Variants in IGF2BP2 observed in about 807,000 individuals in gnomAD.
The protein encoded by IGF2BP2 is insulin like growth factor 2 mRNA binding protein 2, also known as insulin-like growth factor 2 mRNA-binding protein 2.
A neutral mutation model predicts 75.8 loss-of-function variants in IGF2BP2; 17 were observed. The ratio of observed to expected loss-of-function variants is 0.22; its 90% confidence interval spans 0.15 to 0.34. The LOEUF (loss-of-function observed/expected upper bound fraction) is 0.34. Among genes scored for constraint, IGF2BP2 ranks in the 10% least tolerant of loss-of-function variants. The pLI is 1.00. For synonymous variants in IGF2BP2, 288 were observed against 295.6 expected (o/e 0.97, Z 0.26); for missense variants, 516 against 772.4 (o/e 0.67, Z 3.93).
At chr3:185,677,056 TATATATATATATAGAGAG>T (rs1170885825) in intron 7 of IGF2BP2, among the ~76,000 whole-genome samples, 15 of 55,356 alleles carry the variant, frequency 2.7e-4, no homozygotes, top group African/African-American at 1.2e-3. Flanking sequence ...TATATATATA[TATATATATATATAGAGAG>T]AGAGAGAGAG....
Position 185,786,029 on chromosome 3 carries a change from G to A in IGF2BP2, c.239+37124C>T, listed in dbSNP as rs528787696. ...CCTGTCTTCCAGAATTCAGTTTTAAGCAGTGTTTTTCAAACTTATCTTTCA... is the reference window on the plus strand; with the variant it reads ...CCTGTCTTCCAGAATTCAGTTTTAAACAGTGTTTTTCAAACTTATCTTTCA... On this transcript the variant is annotated intron_variant, in intron 2 of 15. Coordinates refer to ENST00000382199, the MANE Select transcript of IGF2BP2 (RefSeq NM_006548.6). Among the ~76,000 whole-genome samples, 3 of 152,242 alleles carry A rather than the reference G, an allele frequency of 2.0e-5. No homozygotes were observed. In the East Asian group the frequency reaches 5.8e-4, roughly 29 times the overall value.
At chr3:185,776,578 A>G (rs924179933) in intron 2 of IGF2BP2, among the ~76,000 whole-genome samples, 10 of 152,182 alleles carry the variant, frequency 6.6e-5, no homozygotes, top group Non-Finnish European at 1.3e-4. Context: ...GAGCTATCCA[A>G]TAGGAAGGAA....
chr3:185,768,419 T>G (rs7621192), intron 2 of IGF2BP2, among the ~76,000 whole-genome samples: 2,062 of 152,278 alleles, frequency 0.014, 57 homozygotes, highest in African/African-American at 0.047. Flanking sequence ...GATTTTTTTC[T>G]GTGGGATTCA....
At chr3:185,669,170 A>T (rs1718129276) in intron 10 of IGF2BP2, among the ~76,000 whole-genome samples, 1 of 152,234 alleles carries the variant, frequency 6.6e-6, no homozygotes, top group East Asian at 1.9e-4. Context: ...AATGAAAAGT[A>T]ATATACCTTT....
chr3:185,802,767 T>C (rs1351196483), intron 2 of IGF2BP2, among the ~76,000 whole-genome samples: 1 of 152,124 alleles, frequency 6.6e-6, no homozygotes. Flanking sequence ...CTAAAAACCC[T>C]TGAGAGAGAA....
chr3:185,787,913 C>G (rs1223416748), intron 2 of IGF2BP2, among the ~76,000 whole-genome samples: 1 of 152,132 alleles, frequency 6.6e-6, no homozygotes, highest in Admixed American at 6.5e-5. Context: ...TTTTTTTAAA[C>G]AATTACTTAA....
At chr3:185,779,496 G>A (rs1734934856) in intron 2 of IGF2BP2, among the ~76,000 whole-genome samples, 1 of 152,106 alleles carries the variant, frequency 6.6e-6, no homozygotes, top group Non-Finnish European at 1.5e-5. Flanking sequence ...TTGTGTCCAT[G>A]AGTTAATACA....
intron 7 of IGF2BP2, among the ~76,000 whole-genome samples, chr3:185,676,791 A>AAT (rs1246517619): frequency 2.8e-4 from 41 of 143,906 alleles, no homozygotes; most frequent in South Asian, 1.1e-3. Flanking sequence ...ATTTACTGGA[A>AAT]ATATATATAT....
intron 2 of IGF2BP2, among the ~76,000 whole-genome samples, chr3:185,774,293 C>T (rs1237672141): frequency 2.0e-5 from 3 of 152,034 alleles, no homozygotes; most frequent in Non-Finnish European, 2.9e-5. Context: ...TGCTAAATCA[C>T]GGACTAAGAA....
At chr3:185,704,601 C>T (rs1723756567) in intron 2 of IGF2BP2, among the ~76,000 whole-genome samples, 2 of 152,166 alleles carry the variant, frequency 1.3e-5, no homozygotes, top group African/African-American at 4.8e-5. Context: ...AGGCCCAAGC[C>T]ACCATGCCCA....
intron 2 of IGF2BP2, among the ~76,000 whole-genome samples, chr3:185,700,341 A>AC (rs1268135083): frequency 6.6e-6 from 1 of 152,154 alleles, no homozygotes; most frequent in Non-Finnish European, 1.5e-5. Context: ...CCCATATACT[A>AC]CTTCAGTCTT....
chr3:185,822,841 G>GT (rs1741534430), intron 2 of IGF2BP2, among the ~76,000 whole-genome samples: 1 of 145,554 alleles, frequency 6.9e-6, no homozygotes, highest in Admixed American at 6.8e-5. Context: ...TCTGCTGGGG[G>GT]TAGGGGCGGG....
intron 5 of IGF2BP2, among the ~76,000 whole-genome samples, chr3:185,691,418 T>A (rs1252926866): frequency 6.6e-6 from 1 of 152,126 alleles, no homozygotes; most frequent in Non-Finnish European, 1.5e-5. Flanking sequence ...TCTTTTTCAA[T>A]GCAAAATTAA....
At chr3:185,672,274 C>T (rs981586363) in intron 10 of IGF2BP2, among the ~76,000 whole-genome samples, 1 of 152,270 alleles carries the variant, frequency 6.6e-6, no homozygotes, top group African/African-American at 2.4e-5. Context: ...AAATTAGCTT[C>T]TAGTTGATGA....
In IGF2BP2 at chr3:185,698,171, TGAAAA is replaced by T. The variant is rs1486081684; in HGVS notation, c.288+123_288+127del. On this transcript the variant is annotated intron_variant, in intron 3 of 15. Coordinates refer to ENST00000382199, the MANE Select transcript of IGF2BP2 (RefSeq NM_006548.6). Reference sequence around the variant, plus strand: ...TTACAGATCACATACATTAGGGTACTGAAAAGAAAGAGGCAGGACCCAGAAGCTTT... The same window carrying T: ...TTACAGATCACATACATTAGGGTACTGAAAGAGGCAGGACCCAGAAGCTTT... 3.9e-5 allele frequency: 29 copies of T among 746,134 alleles called. No homozygotes were observed. In the South Asian group the frequency reaches 4.3e-4, roughly 11 times the overall value. 46.2% of individuals were successfully genotyped at this position (746,134 alleles called of 1,614,324 possible). A position where few individuals can be genotyped will look rare whatever the true frequency, so the allele number is the denominator to read the frequency against.
intron 2 of IGF2BP2, among the ~76,000 whole-genome samples, chr3:185,798,635 AAT>A (rs1181107803): frequency 6.6e-6 from 1 of 152,158 alleles, no homozygotes; most frequent in African/African-American, 2.4e-5. Context: ...TTAACACCCA[AAT>A]ATAACATTTT....
intron 6 of IGF2BP2, 47 bp from the exon 7 acceptor site, chr3:185,687,238 G>A (rs778273973): frequency 6.4e-7 from 1 of 1,564,812 alleles, no homozygotes; most frequent in Admixed American, 2.1e-5. Context: ...CATCTGGATA[G>A]GACCCTAGCC....
In IGF2BP2 at chr3:185,645,673, C is replaced by A; in HGVS notation, c.1708-50G>T. 2.1e-6 allele frequency: 3 copies of A among 1,458,998 alleles called. No homozygotes were observed. Among genetic ancestry groups the A allele is most frequent in the Non-Finnish European group, 2.9e-6 (3 of 1,039,226 alleles). The allele number at this position is 1,458,998 out of a possible 1,614,324, so 90.4% of individuals were successfully genotyped here. On this transcript the variant is annotated intron_variant, in intron 15 of 15. Transcript: ENST00000382199. The surrounding 1 kb of genome is among the most constrained non-coding windows in gnomAD (Gnocchi z 4.9). ...GGAAGGGACAGGGGAAAAAAGGAAC[C>A]CAGTTCTGAGGACAAACGGCAGGGG...
rs1428194253 is a variant in IGF2BP2, at chr3:185,744,841, AT to A, written c.240-46495del. Among the ~76,000 whole-genome samples, 3 of 152,310 alleles carry A rather than the reference AT, an allele frequency of 2.0e-5. No homozygotes were observed. The East Asian group carries it at 5.8e-4, about 29-fold the overall frequency. On this transcript the variant is annotated intron_variant, in intron 2 of 15. Coordinates refer to ENST00000382199, the MANE Select transcript of IGF2BP2 (RefSeq NM_006548.6). ...AAAAAATTGGAATCACATTTTCCAC[AT>A]TTTGTATCTTTTTCTTAAACTCAGC...
Sources: allele counts gnomAD v4.1 joint callset (sites outside exome capture counted in the v4.1 genomes callset), GRCh38; gene constraint gnomAD v4.1.1; non-coding constraint Gnocchi (gnomAD v3.1); transcripts MANE v1.5; gene names NCBI Gene and HGNC (gene_info 2026-07-23, HGNC 2026-07-21).